Variants in PLEKHD1 observed in about 807,000 individuals in gnomAD.
PLEKHD1 encodes pleckstrin homology domain-containing family D member 1.
Under a neutral mutation model 69.2 loss-of-function variants are expected in PLEKHD1, and 51 were observed. The observed-to-expected ratio is 0.74, with a 90% CI of 0.59 to 0.93. The LOEUF (loss-of-function observed/expected upper bound fraction) is 0.93, where lower values mean the gene tolerates loss of function less well. Among genes scored for constraint, PLEKHD1 ranks in the 40% least tolerant of loss-of-function variants. PLEKHD1 has a pLI of 0.00. For missense variants in PLEKHD1, 584 were observed against 641.0 expected, an observed-to-expected ratio of 0.91 and a Z score of 0.96; for synonymous variants, 236 against 244.7, an observed-to-expected ratio of 0.96 and a Z score of 0.33.
chr14:69,526,151 C>A, intron 9 of PLEKHD1, 29 bp downstream of exon 9: 2 of 1,529,208 alleles, frequency 1.3e-6, no homozygotes, highest in South Asian at 1.2e-5. Flanking sequence ...CTGAAGACAC[C>A]ATTGACTTTG....
chr14:69,492,984 T>C (rs1882809861), intron 1 of PLEKHD1, among the ~76,000 whole-genome samples: 1 of 152,196 alleles, frequency 6.6e-6, no homozygotes, highest in South Asian at 2.1e-4. Context: ...CCCAGGCTGG[T>C]ATGGACTCCG....
intron 4 of PLEKHD1, 175 bp downstream of exon 4, chr14:69,501,122 C>T: frequency 1.5e-6 from 1 of 650,046 alleles, no homozygotes; most frequent in Non-Finnish European, 2.7e-6. Flanking sequence ...TGTGAGGGGT[C>T]CCCTGAGTGA....
At chr14:69,500,697 C>T in intron 3 of PLEKHD1, 31 bp downstream of exon 3, 2 of 1,547,340 alleles carry the variant, frequency 1.3e-6, no homozygotes, top group Non-Finnish European at 1.7e-6. Context: ...AGCCTGGGCT[C>T]CGCAGGAGCA....
At chr14:69,492,951 G>T (rs941754080) in intron 1 of PLEKHD1, among the ~76,000 whole-genome samples, 3 of 152,144 alleles carry the variant, frequency 2.0e-5, no homozygotes, top group Admixed American at 2.0e-4. Flanking sequence ...TTAATTTTCT[G>T]TTGAGACAGT....
chr14:69,516,733 G>A (rs1291222360), intron 6 of PLEKHD1, among the ~76,000 whole-genome samples: 1 of 151,948 alleles, frequency 6.6e-6, no homozygotes, highest in African/African-American at 2.4e-5. Flanking sequence ...GCAATGACAC[G>A]ATCTCAGCTC....
chr14:69,471,124 T>G, the PLEKHD1 span, among the ~76,000 whole-genome samples: 3 of 84,052 alleles, frequency 3.6e-5, no homozygotes. Flanking sequence ...TTTTTTTTTT[T>G]GAGACAGGGT....
At chr14:69,528,155 T>G in intron 12 of PLEKHD1, 95 bp from the exon 13 acceptor site, 4 of 1,468,592 alleles carry the variant, frequency 2.7e-6, no homozygotes, top group Non-Finnish European at 1.8e-6. Context: ...TTGGCACACA[T>G]AAAGGAGTGA....
intron 6 of PLEKHD1, among the ~76,000 whole-genome samples, chr14:69,508,697 C>T (rs111357810): frequency 2.0e-5 from 3 of 152,332 alleles, no homozygotes; most frequent in African/African-American, 7.2e-5. Flanking sequence ...GGGTCTGGGG[C>T]ACCTCACGGA....
At chr14:69,515,505 T>C (rs1883365575) in intron 6 of PLEKHD1, among the ~76,000 whole-genome samples, 1 of 152,244 alleles carries the variant, frequency 6.6e-6, no homozygotes, top group Non-Finnish European at 1.5e-5. Context: ...CTTGCATTGC[T>C]ATAAAGAAAT....
At chr14:69,485,579 G>A (rs919212007) in intron 1 of PLEKHD1, among the ~76,000 whole-genome samples, 4 of 152,156 alleles carry the variant, frequency 2.6e-5, no homozygotes, top group Non-Finnish European at 5.9e-5. Context: ...CCCTTAAGAC[G>A]GAGAGGGACC....
chr14:69,469,158 G>A, the PLEKHD1 span, among the ~76,000 whole-genome samples: 3 of 152,054 alleles, frequency 2.0e-5, no homozygotes, highest in Non-Finnish European at 4.4e-5. Context: ...TCTTGCATAA[G>A]CAAACACTCA....
intron 1 of PLEKHD1, among the ~76,000 whole-genome samples, chr14:69,488,004 TC>T (rs1283484808): frequency 1.3e-5 from 2 of 152,138 alleles, no homozygotes; most frequent in African/African-American, 2.4e-5. Flanking sequence ...CCCACTTCCT[TC>T]CTGCAACAGG....
intron 1 of PLEKHD1, among the ~76,000 whole-genome samples, chr14:69,493,155 G>A (rs941792319): frequency 6.6e-6 from 1 of 152,218 alleles, no homozygotes; most frequent in Non-Finnish European, 1.5e-5. Flanking sequence ...AAATCATCAA[G>A]CTCCAGGGCC....
chr14:69,521,777 G>C (rs1883520069), intron 6 of PLEKHD1, among the ~76,000 whole-genome samples: 1 of 152,144 alleles, frequency 6.6e-6, no homozygotes, highest in Admixed American at 6.5e-5. Flanking sequence ...AAGCCACCTG[G>C]AGTCATTGCT....
chr14:69,495,099 C>T (rs907877587), intron 1 of PLEKHD1, among the ~76,000 whole-genome samples: 1 of 152,112 alleles, frequency 6.6e-6, no homozygotes, highest in Non-Finnish European at 1.5e-5. Context: ...GAACTCTGGC[C>T]CTCACAGAGC....
chr14:69,495,701 C>T (rs1185832906), intron 1 of PLEKHD1, among the ~76,000 whole-genome samples: 1 of 152,232 alleles, frequency 6.6e-6, no homozygotes, highest in African/African-American at 2.4e-5. Flanking sequence ...GAGCTAGGCA[C>T]ACTTCCTGCC....
upstream of PLEKHD1, among the ~76,000 whole-genome samples, chr14:69,481,152 AAAAT>A (rs560986314): frequency 6.6e-6 from 1 of 152,186 alleles, no homozygotes; most frequent in East Asian, 1.9e-4. Flanking sequence ...CTCATCTCTT[AAAAT>A]AAATAAATAA....
At chr14:69,494,555 G>A (rs555931011) in intron 1 of PLEKHD1, among the ~76,000 whole-genome samples, 204 of 152,270 alleles carry the variant, frequency 1.3e-3, no homozygotes, top group African/African-American at 4.5e-3. Flanking sequence ...ATGCCCAACC[G>A]TCCACAATTG....
chr14:69,528,222 C>T (rs1252765628), intron 12 of PLEKHD1, 28 bp from the exon 13 acceptor site: 1 of 1,551,048 alleles, frequency 6.4e-7, no homozygotes, highest in South Asian at 1.2e-5. Flanking sequence ...GCACTGTTCA[C>T]AGGGCTGTTG....
Sources: allele counts gnomAD v4.1 joint callset (sites outside exome capture counted in the v4.1 genomes callset), GRCh38; gene constraint gnomAD v4.1.1; transcripts MANE v1.5; gene names NCBI Gene and HGNC (gene_info 2026-07-23, HGNC 2026-07-21).